Variants in MSRA observed in about 807,000 individuals in gnomAD.
MSRA encodes the protein mitochondrial peptide methionine sulfoxide reductase.
In MSRA, 54 loss-of-function variants were observed where a neutral mutation model predicts 31.3. The ratio of observed to expected loss-of-function variants is 1.73; its 90% CI spans 1.39 to 2.17. The LOEUF (loss-of-function observed/expected upper bound fraction) is 2.17, where lower values mean the gene tolerates loss of function less well. Ranked by LOEUF, MSRA falls within the 30% of genes most tolerant of loss-of-function variation. The pLI, the probability that MSRA is intolerant of heterozygous loss-of-function variation, is 0.00. For missense variants in MSRA, 507 were observed against 300.9 expected (o/e 1.69, Z -5.07); for synonymous variants, 169 against 116.5 (o/e 1.45, Z -2.90).
intron 2 of MSRA, among the ~76,000 whole-genome samples, chr8:10,233,380 A>G (rs1811657964): frequency 6.6e-6 from 1 of 152,276 alleles, no homozygotes; most frequent in Non-Finnish European, 1.5e-5. Flanking sequence ...CAATATGAAG[A>G]AATGAAATAT....
intron 3 of MSRA, among the ~76,000 whole-genome samples, chr8:10,281,905 G>A (rs144209159): frequency 7.2e-5 from 11 of 152,080 alleles, no homozygotes; most frequent in Admixed American, 6.5e-4. Flanking sequence ...TTTTTTCCCT[G>A]CTTTTTAGAT....
chr8:10,064,633 T>G (rs1232171398), intron 1 of MSRA, among the ~76,000 whole-genome samples: 1 of 152,218 alleles, frequency 6.6e-6, no homozygotes, highest in Non-Finnish European at 1.5e-5. Flanking sequence ...TAAAATGAAT[T>G]CTTTCAAAGA....
At chr8:10,242,339 G>A (rs1797378175) in intron 2 of MSRA, among the ~76,000 whole-genome samples, 2 of 152,046 alleles carry the variant, frequency 1.3e-5, no homozygotes, top group Admixed American at 6.6e-5. Flanking sequence ...TGTCAGGGGT[G>A]GACACTTAGA....
intron 1 of MSRA, among the ~76,000 whole-genome samples, chr8:10,135,711 A>T (rs185839778): frequency 1.3e-5 from 2 of 152,270 alleles, no homozygotes; most frequent in East Asian, 3.9e-4. Flanking sequence ...TGAAATTGCC[A>T]TTTTTATGGG....
At position 10,179,303 on chromosome 8, in the gene MSRA, A is replaced by G. The variant is rs183205587; in HGVS notation, c.143-28530A>G. ...ATGCTAAATAGGTACCAAGGACAGA[A>G]GGAAGACAGGGTTCATCTTCTCTTT... is the stretch of plus-strand genomic sequence containing the variant. On this transcript the variant is annotated intron_variant, in intron 1 of 5. Transcript: ENST00000317173. 6.6e-5 allele frequency among the ~76,000 whole-genome samples: 10 copies of G among 152,342 alleles called. No individual in the cohort carries two copies. The East Asian group carries it at 1.9e-3, about 29-fold the overall frequency.
intron 1 of MSRA, among the ~76,000 whole-genome samples, chr8:10,064,267 C>G (rs1252122013): frequency 6.6e-6 from 1 of 152,156 alleles, no homozygotes; most frequent in Non-Finnish European, 1.5e-5. Context: ...ATTGATTTTT[C>G]CTTCACCAGA....
At chr8:10,199,543 C>T (rs543765070) in intron 1 of MSRA, among the ~76,000 whole-genome samples, 2 of 152,020 alleles carry the variant, frequency 1.3e-5, no homozygotes, top group South Asian at 4.2e-4. Flanking sequence ...TGGCGTCGCT[C>T]TCTTGACCTC....
At chr8:10,184,813 A>G (rs983565742) in intron 1 of MSRA, among the ~76,000 whole-genome samples, 1 of 152,216 alleles carries the variant, frequency 6.6e-6, no homozygotes, top group Admixed American at 6.5e-5. Context: ...ACTGTATGCA[A>G]CCAGGATTCC....
chr8:10,059,457 CTA>C (rs1452330720), intron 1 of MSRA, among the ~76,000 whole-genome samples: 1 of 152,134 alleles, frequency 6.6e-6, no homozygotes, highest in Admixed American at 6.5e-5. Context: ...GTCAGTTTGG[CTA>C]TAGAGTTTCT....
chr8:10,292,293 C>T (rs545446249), intron 3 of MSRA, among the ~76,000 whole-genome samples: 5 of 152,184 alleles, frequency 3.3e-5, no homozygotes, highest in Non-Finnish European at 4.4e-5. Context: ...AGATGCAGCA[C>T]GAGGGCTCCT....
chr8:10,303,316 A>G (rs1271170557), intron 4 of MSRA, among the ~76,000 whole-genome samples: 1 of 152,150 alleles, frequency 6.6e-6, no homozygotes, highest in Non-Finnish European at 1.5e-5. Flanking sequence ...AAATGCTTTC[A>G]TTTGATCACA....
intron 5 of MSRA, among the ~76,000 whole-genome samples, chr8:10,416,305 T>G (rs544964379): frequency 6.6e-6 from 1 of 152,332 alleles, no homozygotes; most frequent in South Asian, 2.1e-4. Context: ...GTTTAAAAAC[T>G]TCTTCACAGA....
chr8:10,389,790 C>CTTTTTTTTTTT (rs55769720), intron 5 of MSRA, among the ~76,000 whole-genome samples: 1 of 123,400 alleles, frequency 8.1e-6, no homozygotes, highest in African/African-American at 3.2e-5. Context: ...GAAACTTACT[C>CTTTTTTTTTTT]TTTTTTTTTT....
intron 1 of MSRA, among the ~76,000 whole-genome samples, chr8:10,137,974 A>C (rs745477927): frequency 6.6e-6 from 1 of 152,236 alleles, no homozygotes; most frequent in Non-Finnish European, 1.5e-5. Flanking sequence ...CAGGGAGATT[A>C]GTACCATGAT....
intron 5 of MSRA, among the ~76,000 whole-genome samples, chr8:10,423,321 G>A (rs1808926515): frequency 6.6e-6 from 1 of 152,204 alleles, no homozygotes; most frequent in Non-Finnish European, 1.5e-5. Flanking sequence ...AAAAGTAGAT[G>A]ACCACAAGCA....
At chr8:10,056,954 C>T (rs542129270) in intron 1 of MSRA, among the ~76,000 whole-genome samples, 3 of 152,260 alleles carry the variant, frequency 2.0e-5, no homozygotes, top group African/African-American at 7.2e-5. Context: ...CAGGTGTGTA[C>T]CATTACCAAA....
At chr8:10,400,517 G>C (rs1807394113) in intron 5 of MSRA, among the ~76,000 whole-genome samples, 1 of 152,162 alleles carries the variant, frequency 6.6e-6, no homozygotes, top group African/African-American at 2.4e-5. Flanking sequence ...AAAGGACAAA[G>C]ACAGATATTG....
At chr8:10,335,531 A>T (rs1802986539) in intron 5 of MSRA, among the ~76,000 whole-genome samples, 1 of 151,842 alleles carries the variant, frequency 6.6e-6, no homozygotes, top group African/African-American at 2.4e-5. Flanking sequence ...GCTGCGGGTG[A>T]CTCTTGTCCT....
At chr8:10,115,518 T>A (rs1425070628) in intron 1 of MSRA, among the ~76,000 whole-genome samples, 2 of 152,204 alleles carry the variant, frequency 1.3e-5, no homozygotes, top group Non-Finnish European at 2.9e-5. Context: ...GAAAATCAAT[T>A]TCTGTGTCTA....
Sources: allele counts gnomAD v4.1 joint callset (sites outside exome capture counted in the v4.1 genomes callset), GRCh38; gene constraint gnomAD v4.1.1; transcripts MANE v1.5; gene names NCBI Gene and HGNC (gene_info 2026-07-23, HGNC 2026-07-21).